Variants in ENTHD1 observed in about 807,000 individuals in gnomAD.
ENTHD1 encodes the protein ENTH domain containing 1.
ENTHD1 carries 23 observed loss-of-function variants against 39.1 expected under a neutral mutation model. The observed-to-expected ratio is 0.59, with a 90% CI of 0.42 to 0.83. The LOEUF (loss-of-function observed/expected upper bound fraction) is 0.83, where lower values mean the gene tolerates loss of function less well. Ranked by LOEUF, ENTHD1 falls within the 40% of genes least tolerant of loss-of-function variation. ENTHD1 has a pLI of 0.00. For synonymous variants in ENTHD1, 230 were observed against 258.2 expected (o/e 0.89, Z 1.05); for missense variants, 624 against 705.4 (o/e 0.88, Z 1.31).
Position 39,749,287 on chromosome 22 carries a change from C to T in ENTHD1, c.1220-5004G>A, listed in dbSNP as rs150478978. ...CATTCACACAGTCTACTCAGCAGAACCGAAATAAGCTACAATAAATCGCTG... is the reference window on the plus strand; with the variant it reads ...CATTCACACAGTCTACTCAGCAGAATCGAAATAAGCTACAATAAATCGCTG... On this transcript the variant is annotated intron_variant, in intron 6 of 6. Coordinates refer to ENST00000325157, the MANE Select transcript of ENTHD1 (RefSeq NM_152512.4). 2.0e-5 allele frequency among the ~76,000 whole-genome samples: 3 copies of T among 152,276 alleles called. No individual in the cohort carries two copies. In the East Asian group the frequency reaches 5.8e-4, roughly 29 times the overall value.
intron 5 of ENTHD1, among the ~76,000 whole-genome samples, chr22:39,783,666 A>G (rs1191133073): frequency 6.6e-6 from 1 of 152,202 alleles, no homozygotes. Context: ...AGTCTCTCCA[A>G]TAAGTGGTGC....
At chr22:39,872,014 C>A (rs1465471229) in intron 2 of ENTHD1, among the ~76,000 whole-genome samples, 1 of 152,174 alleles carries the variant, frequency 6.6e-6, no homozygotes, top group Non-Finnish European at 1.5e-5. Context: ...ATTGAAATTG[C>A]ACTAATTTAT....
At chr22:39,865,767 T>C (rs1214107977) in intron 2 of ENTHD1, among the ~76,000 whole-genome samples, 1 of 152,190 alleles carries the variant, frequency 6.6e-6, no homozygotes, top group Non-Finnish European at 1.5e-5. Context: ...ATTGGGAATC[T>C]TTTGGCTCTA....
chr22:39,830,207 C>G (rs2065857866), intron 4 of ENTHD1, among the ~76,000 whole-genome samples: 2 of 152,166 alleles, frequency 1.3e-5, no homozygotes. Flanking sequence ...TCCCAAGTAG[C>G]TGGGATTACA....
At chr22:39,809,410 G>A (rs890816147) in intron 5 of ENTHD1, among the ~76,000 whole-genome samples, 3 of 152,208 alleles carry the variant, frequency 2.0e-5, no homozygotes, top group Non-Finnish European at 4.4e-5. Flanking sequence ...CTGGCAGTGG[G>A]AAGGTGTTGA....
chr22:39,820,391 T>A (rs1808530557), intron 5 of ENTHD1, among the ~76,000 whole-genome samples: 2 of 152,290 alleles, frequency 1.3e-5, no homozygotes, highest in South Asian at 4.1e-4. Context: ...CAGAAGATCT[T>A]CCATTCTACT....
intron 5 of ENTHD1, among the ~76,000 whole-genome samples, chr22:39,819,062 G>C (rs2065757452): frequency 6.6e-6 from 1 of 152,096 alleles, no homozygotes; most frequent in African/African-American, 2.4e-5. Context: ...ATTCTATTCA[G>C]CACTAAAAAG....
intron 3 of ENTHD1, among the ~76,000 whole-genome samples, chr22:39,852,745 G>C (rs891740352): frequency 3.1e-4 from 47 of 152,068 alleles, no homozygotes; most frequent in Non-Finnish European, 6.0e-4. Flanking sequence ...ACATAGAAAA[G>C]GTACAGTAAA....
chr22:39,800,908 C>A (rs1244263156), intron 5 of ENTHD1, among the ~76,000 whole-genome samples: 1 of 152,114 alleles, frequency 6.6e-6, no homozygotes, highest in African/African-American at 2.4e-5. Flanking sequence ...TAGTTTTTAC[C>A]CTGGCGACAA....
At chr22:39,815,631 A>G (rs1399276622) in intron 5 of ENTHD1, among the ~76,000 whole-genome samples, 1 of 152,202 alleles carries the variant, frequency 6.6e-6, no homozygotes, top group Non-Finnish European at 1.5e-5. Context: ...GCTTCCAAAT[A>G]TATGCCCTAG....
Position 39,856,000 on chromosome 22 carries a change from G to A in ENTHD1, c.592+5765C>T, listed in dbSNP as rs192977849. ...AAGAATGTCCCCCTCGTGGCCGGGC[G>A]CGGTGGCTCAACGCCTGTAATCCCA... On this transcript the variant is annotated intron_variant, in intron 3 of 6. Transcript: ENST00000325157. Among the ~76,000 whole-genome samples, 301 of 152,160 alleles carry A rather than the reference G, an allele frequency of 2.0e-3. 11 individuals carry two copies. The South Asian group carries it at 0.054, about 27-fold the overall frequency.
At chr22:39,883,112 T>G (rs2066353310) in intron 2 of ENTHD1, among the ~76,000 whole-genome samples, 1 of 152,056 alleles carries the variant, frequency 6.6e-6, no homozygotes, top group South Asian at 2.1e-4. Context: ...TTTTTATTAG[T>G]GAATAATGTG....
chr22:39,880,876 T>C (rs1393843015), intron 2 of ENTHD1, among the ~76,000 whole-genome samples: 1 of 152,178 alleles, frequency 6.6e-6, no homozygotes, highest in Non-Finnish European at 1.5e-5. Context: ...CATTCAACAA[T>C]ATACTGTAGT....
intron 6 of ENTHD1, among the ~76,000 whole-genome samples, chr22:39,747,796 T>C (rs1162726509): frequency 2.0e-5 from 3 of 151,824 alleles, no homozygotes; most frequent in Non-Finnish European, 4.4e-5. Context: ...GCCCACTTCA[T>C]TAAAAAAAAA....
At chr22:39,785,846 G>C (rs140556432) in intron 5 of ENTHD1, among the ~76,000 whole-genome samples, 1 of 152,232 alleles carries the variant, frequency 6.6e-6, no homozygotes, top group Non-Finnish European at 1.5e-5. Context: ...GGGGTCTCAG[G>C]AGTGCCCATA....
At position 39,867,397 on chromosome 22, in the gene ENTHD1, C is replaced by T. The variant is rs2066192649; in HGVS notation, c.350-5390G>A. On this transcript the variant is annotated intron_variant, in intron 2 of 6. Coordinates refer to ENST00000325157, the MANE Select transcript of ENTHD1 (RefSeq NM_152512.4). This position sits in a 1 kb window ranked among gnomAD's most constrained non-coding sequence, Gnocchi z 4.5. ...CTGTCTCTATTCCTGACCTACTGCC[C>T]TACCAAAATCTACTCTTCTTCCCAT... is the stretch of plus-strand genomic sequence containing the variant. Among the ~76,000 whole-genome samples, 1 of 151,948 alleles carries T rather than the reference C, an allele frequency of 6.6e-6. No homozygotes were observed. Among genetic ancestry groups the T allele is most frequent in the Non-Finnish European group, 1.5e-5 (1 of 68,000 alleles).
At chr22:39,862,959 C>T (rs931403312) in intron 2 of ENTHD1, among the ~76,000 whole-genome samples, 4 of 152,190 alleles carry the variant, frequency 2.6e-5, no homozygotes, top group South Asian at 2.1e-4. Flanking sequence ...CTTCCACCAT[C>T]GCCTTTCGGA....
intron 6 of ENTHD1, among the ~76,000 whole-genome samples, chr22:39,748,430 T>C (rs1344556820): frequency 6.6e-6 from 1 of 151,758 alleles, no homozygotes; most frequent in African/African-American, 2.4e-5. Flanking sequence ...TTCTTTTCTT[T>C]TTTTTTTTTG....
Position 39,835,900 on chromosome 22 carries a change from T to C in ENTHD1, c.651A>G (p.Thr217=). The change falls in exon 4 of 7, where the codon ACA becomes ACG. Residue 217 remains threonine (T), a synonymous_variant. Transcript: ENST00000325157. Reference sequence around the variant, plus strand: ...GTGTTTCCTGGGACAACATAGTTTCTGTAGGCAAATGAACATCTTGGCAAT... The same window carrying C: ...GTGTTTCCTGGGACAACATAGTTTCCGTAGGCAAATGAACATCTTGGCAAT... The part of the protein sequence containing the change: ...QEHCQDVHLP[T]ETMLSQETLP... 6.2e-7 allele frequency: 1 copy of C among 1,609,184 alleles called. No homozygotes were observed. The highest frequency in any genetic ancestry group is 8.5e-7 in the Non-Finnish European group (1 of 1,177,508).
Sources: gnomAD v4.1 joint callset for allele counts (sites outside exome capture counted in the v4.1 genomes callset) on GRCh38, gnomAD v4.1.1 for gene constraint, Gnocchi (gnomAD v3.1) non-coding constraint, MANE v1.5 for transcripts, NCBI Gene and HGNC (gene_info 2026-07-23, HGNC 2026-07-21) for gene names.